Variants in SRPX observed in about 807,000 individuals in gnomAD.
The protein encoded by SRPX is sushi repeat-containing protein SRPX.
Under a neutral mutation model 38.1 loss-of-function variants are expected in SRPX, and 24 were observed. The ratio of observed to expected loss-of-function variants is 0.63; its 90% CI spans 0.46 to 0.89. The LOEUF is 0.89. Ranked by LOEUF, SRPX falls within the 40% of genes least tolerant of loss-of-function variation. SRPX has a pLI of 0.00. For synonymous variants in SRPX, 184 were observed against 153.8 expected, an observed-to-expected ratio of 1.20 and a Z score of -1.45; for missense variants, 416 against 377.8, an observed-to-expected ratio of 1.10 and a Z score of -0.84.
intron 9 of SRPX, among the ~76,000 whole-genome samples, chrX:38,150,636 C>T (rs1406897463): frequency 8.9e-6 from 1 of 112,136 alleles, no homozygotes; most frequent in Non-Finnish European, 1.9e-5. Flanking sequence ...ATATAATTTC[C>T]CAGCATGATA....
At chrX:38,204,284 A>G (rs936056919) in intron 1 of SRPX, among the ~76,000 whole-genome samples, 3 of 112,365 alleles carry the variant, frequency 2.7e-5, no homozygotes, top group Non-Finnish European at 3.8e-5. Context: ...TTTGGAAAGA[A>G]GAATAAAGTT....
At chrX:38,204,542 AT>A (rs1383412092) in intron 1 of SRPX, among the ~76,000 whole-genome samples, 1 of 111,951 alleles carries the variant, frequency 8.9e-6, no homozygotes, top group Non-Finnish European at 1.9e-5. Context: ...TCTTCTCACA[AT>A]TTTTTTTATT....
intron 1 of SRPX, among the ~76,000 whole-genome samples, chrX:38,212,190 G>A (rs1282890296): frequency 8.9e-6 from 1 of 112,431 alleles, no homozygotes. Flanking sequence ...GGCTAAGCCA[G>A]GCAGGGGCTG....
intron 5 of SRPX, 117 bp downstream of exon 5, chrX:38,164,652 C>G (rs780332203): frequency 3.0e-5 from 24 of 796,055 alleles, no homozygotes; most frequent in Non-Finnish European, 4.0e-5. Flanking sequence ...AGGTAGTGAC[C>G]AGGGGGACCA....
Position 38,174,169 on chromosome X carries a change from T to C in SRPX, c.340A>G (p.Ile114Val), listed in dbSNP as rs759401506. Reference sequence around the variant, plus strand: ...GAGCTGGCCTACTCACGTTTGCAGATGACCTTGTCAGACCATCGTTTGTTT... The same window carrying C: ...GAGCTGGCCTACTCACGTTTGCAGACGACCTTGTCAGACCATCGTTTGTTT... ...QSNKRWSDKVICKQKRCPTLA... is the reference protein window; with the variant it reads ...QSNKRWSDKVVCKQKRCPTLA... The change falls in exon 3 of 10, where the codon ATC becomes GTC. Residue 114 changes from isoleucine to valine, a missense_variant. Coordinates refer to ENST00000378533, the MANE Select transcript of SRPX (RefSeq NM_006307.5). 1 of 1,095,671 alleles carries C rather than the reference T, an allele frequency of 9.1e-7. No homozygotes were observed. Among genetic ancestry groups the C allele is most frequent in the African/African-American group, 1.9e-5 (1 of 53,346 alleles). 90.3% of individuals were successfully genotyped at this position (1,095,671 alleles called of 1,213,427 possible). A position where few individuals can be genotyped will look rare whatever the true frequency, so the allele number is the denominator to read the frequency against.
At chrX:38,180,413 A>G (rs946873454) in intron 1 of SRPX, among the ~76,000 whole-genome samples, 1 of 111,485 alleles carries the variant, frequency 9.0e-6, no homozygotes, top group African/African-American at 3.3e-5. Flanking sequence ...GGTCCTTTAC[A>G]TATCTCCAGA....
At chrX:38,157,165 G>C (rs1162579652) in intron 7 of SRPX, 136 bp from the exon 8 acceptor site, 2 of 786,571 alleles carry the variant, frequency 2.5e-6, no homozygotes, top group Non-Finnish European at 3.5e-6. Flanking sequence ...AGTTTATTTG[G>C]GAGGCAGTCC....
intron 1 of SRPX, among the ~76,000 whole-genome samples, chrX:38,181,009 C>A (rs918936437): frequency 9.8e-5 from 11 of 112,361 alleles, no homozygotes; most frequent in Non-Finnish European, 1.1e-4. Flanking sequence ...TATACGACTC[C>A]TTTTTTATAA....
chrX:38,184,599 C>T (rs1938736710), intron 1 of SRPX, among the ~76,000 whole-genome samples: 1 of 111,315 alleles, frequency 9.0e-6, no homozygotes, highest in African/African-American at 3.3e-5. Context: ...TGATACATGC[C>T]TTTTGGTACT....
chrX:38,194,400 T>C (rs773912998), intron 1 of SRPX, among the ~76,000 whole-genome samples: 5 of 112,528 alleles, frequency 4.4e-5, no homozygotes, highest in Non-Finnish European at 9.4e-5. Context: ...AACAAGGATG[T>C]TGAGCAATGG....
At chrX:38,175,507 A>T (rs781610243) in intron 2 of SRPX, among the ~76,000 whole-genome samples, 52 of 111,530 alleles carry the variant, frequency 4.7e-4, no homozygotes, top group African/African-American at 1.6e-3. Context: ...TCCTTCAGCT[A>T]ATACTTTCTC....
At chrX:38,178,440 G>T in intron 1 of SRPX, 96 bp from the exon 2 acceptor site, 2 of 720,389 alleles carry the variant, frequency 2.8e-6, no homozygotes, top group Non-Finnish European at 4.2e-6. Flanking sequence ...TGCAGGAGGT[G>T]CTATTAGAAT....
chrX:38,215,510 G>C (rs918945517), intron 1 of SRPX, among the ~76,000 whole-genome samples: 1 of 111,918 alleles, frequency 8.9e-6, no homozygotes, highest in Non-Finnish European at 1.9e-5. Context: ...AATGTCTTAC[G>C]GTGATTTGAC....
At chrX:38,164,727 A>G in intron 5 of SRPX, 42 bp downstream of exon 5, 1 of 1,201,083 alleles carries the variant, frequency 8.3e-7, no homozygotes, top group African/African-American at 1.7e-5. Context: ...AACATCTCAC[A>G]TAAAAGAGAC....
intron 5 of SRPX, among the ~76,000 whole-genome samples, chrX:38,162,681 G>T (rs182470140): frequency 8.2e-4 from 92 of 112,073 alleles, no homozygotes; most frequent in African/African-American, 2.6e-3. Flanking sequence ...GGGCATGGTG[G>T]TGCACACCTG....
chrX:38,188,433 C>G lies in SRPX; in HGVS notation c.98-10089G>C, dbSNP rs372036085. On this transcript the variant is annotated intron_variant, in intron 1 of 9. Coordinates refer to ENST00000378533, the MANE Select transcript of SRPX (RefSeq NM_006307.5). ...AAACTGTTGACCCCATTTAGTAGGT[C>G]ATGACTAGTATTTTTGTAGTGAAAT... Among the ~76,000 whole-genome samples the G allele has an allele frequency of 1.3e-3, 144 of 111,985 alleles. 2 individuals are homozygous for G. The South Asian group carries it at 0.05, about 39-fold the overall frequency.
At chrX:38,212,359 AG>A in intron 1 of SRPX, among the ~76,000 whole-genome samples, 1 of 112,026 alleles carries the variant, frequency 8.9e-6, no homozygotes. Flanking sequence ...TCAGTGATGA[AG>A]GCAAAGCCAA....
At chrX:38,189,828 C>T (rs1235217678) in intron 1 of SRPX, among the ~76,000 whole-genome samples, 3 of 111,958 alleles carry the variant, frequency 2.7e-5, no homozygotes, top group South Asian at 7.5e-4. Context: ...TCAGGGAATA[C>T]GGTCAGGGTT....
chrX:38,195,272 G>A (rs1938977049), intron 1 of SRPX, among the ~76,000 whole-genome samples: 1 of 111,187 alleles, frequency 9.0e-6, no homozygotes, highest in South Asian at 3.8e-4. Context: ...TGAGGAGATA[G>A]CGAAAGGAAA....
Sources: gnomAD v4.1 joint callset for allele counts (sites outside exome capture counted in the v4.1 genomes callset) on GRCh38, gnomAD v4.1.1 for gene constraint, MANE v1.5 for transcripts, NCBI Gene and HGNC (gene_info 2026-07-23, HGNC 2026-07-21) for gene names.